The following JAKMIP1 variants were observed in gnomAD, a reference collection of about 807,000 sequenced individuals.
The protein encoded by JAKMIP1 is janus kinase and microtubule-interacting protein 1.
A neutral mutation model predicts 113.0 loss-of-function variants in JAKMIP1; 33 were observed. The ratio of observed to expected loss-of-function variants is 0.29; its 90% confidence interval spans 0.22 to 0.39. The LOEUF (loss-of-function observed/expected upper bound fraction) is 0.39. Ranked by LOEUF, JAKMIP1 falls within the 10% of genes least tolerant of loss-of-function variation. The probability of loss-of-function intolerance (pLI) is 1.00; values close to 1 mark genes in which losing one functional copy is unlikely to be tolerated. For missense variants in JAKMIP1, 813 were observed against 1,080.5 expected (o/e 0.75, Z 3.47); for synonymous variants, 480 against 459.9 (o/e 1.04, Z -0.56).
intron 11 of JAKMIP1, among the ~76,000 whole-genome samples, chr4:6,058,190 AC>A (rs1000762441): frequency 7.9e-4 from 120 of 152,196 alleles, no homozygotes; most frequent in African/African-American, 2.6e-3. Context: ...GAGAGGACCT[AC>A]CCCCCTGGGG....
chr4:6,188,483 CCCTA>C lies in JAKMIP1; in HGVS notation c.-148+11766_-148+11769del, dbSNP rs1426956645. On this transcript the variant is annotated intron_variant, in intron 1 of 20. Transcript: ENST00000409021. The surrounding 1 kb of genome is among the most constrained non-coding windows in gnomAD (Gnocchi z 5.8). Reference sequence around the variant, plus strand: ...CCACCCCAAAATGTTCAGCCCACATCCCTACCTAAGAGTGACTTAATACACCCCA... The same window carrying C: ...CCACCCCAAAATGTTCAGCCCACATCCCTAAGAGTGACTTAATACACCCCA... 6.6e-6 allele frequency among the ~76,000 whole-genome samples: 1 copy of C among 152,190 alleles called. No individual in the cohort carries two copies. Among genetic ancestry groups the C allele is most frequent in the Non-Finnish European group, 1.5e-5 (1 of 68,028 alleles).
At chr4:6,164,615 A>G (rs1723380883) in intron 1 of JAKMIP1, among the ~76,000 whole-genome samples, 1 of 152,176 alleles carries the variant, frequency 6.6e-6, no homozygotes, top group African/African-American at 2.4e-5. Context: ...GTACATTGAA[A>G]ACCTCCTGGA....
At chr4:6,037,596 T>A (rs1578051810) in intron 18 of JAKMIP1, among the ~76,000 whole-genome samples, 1 of 131,866 alleles carries the variant, frequency 7.6e-6, no homozygotes, top group Non-Finnish European at 1.6e-5. Context: ...TAGCCCTCCA[T>A]CACCGAGGCA....
chr4:6,189,982 G>C (rs1309286683), intron 1 of JAKMIP1, among the ~76,000 whole-genome samples: 1 of 152,210 alleles, frequency 6.6e-6, no homozygotes, highest in African/African-American at 2.4e-5. Context: ...AATCAGAGGA[G>C]AGAAGAAAGC....
chr4:6,050,392 T>C lies in JAKMIP1; in HGVS notation c.1908+186A>G, dbSNP rs939649355. 6.6e-6 allele frequency among the ~76,000 whole-genome samples: 1 copy of C among 152,248 alleles called. No homozygotes were observed. Among genetic ancestry groups the C allele is most frequent in the African/African-American group, 2.4e-5 (1 of 41,472 alleles). ...GCTATACACCAAGCCTCTGCTGTTT[T>C]AAACATATGGGTCAAAATAGAGTCA... is the stretch of plus-strand genomic sequence containing the variant. On this transcript the variant is annotated intron_variant, in intron 14 of 20. Coordinates refer to ENST00000409021, the MANE Select transcript of JAKMIP1 (RefSeq NM_001099433.2). This position sits in a 1 kb window ranked among gnomAD's most constrained non-coding sequence, Gnocchi z 7.4.
At chr4:6,035,084 A>G (rs774432517) in intron 19 of JAKMIP1, among the ~76,000 whole-genome samples, 25 of 152,120 alleles carry the variant, frequency 1.6e-4, no homozygotes, top group Non-Finnish European at 5.9e-5. Context: ...CAGTTGCGTG[A>G]GGCAGTTCCT....
chr4:6,065,855 C>T lies in JAKMIP1; in HGVS notation c.1303-847G>A, dbSNP rs187261404. 2.3e-4 allele frequency among the ~76,000 whole-genome samples: 35 copies of T among 152,266 alleles called. No homozygotes were observed. Among genetic ancestry groups the T allele is most frequent in the East Asian group, 7.7e-4 (4 of 5,172 alleles). The stretch of plus-strand genomic sequence containing the variant: ...CAAAGCTCCTTCTATGGGCCAGACA[C>T]GGGGCAGGCCTGGGGAATACAATAG... On this transcript the variant is annotated intron_variant, in intron 8 of 20. Coordinates refer to ENST00000409021, the MANE Select transcript of JAKMIP1 (RefSeq NM_001099433.2). The surrounding 1 kb of genome is among the most constrained non-coding windows in gnomAD (Gnocchi z 5.1).
In JAKMIP1 at chr4:6,088,476, C is replaced by T. The variant is rs1721606953; in HGVS notation, c.625-2847G>A. Reference sequence around the variant, plus strand: ...TCGCGAGCAAGACATCTCCAGGATCCCAAATTCTCCACCTGGAAGAGCACC... The same window carrying T: ...TCGCGAGCAAGACATCTCCAGGATCTCAAATTCTCCACCTGGAAGAGCACC... On this transcript the variant is annotated intron_variant, in intron 3 of 20. Coordinates refer to ENST00000409021, the MANE Select transcript of JAKMIP1 (RefSeq NM_001099433.2). The surrounding 1 kb of genome is among the most constrained non-coding windows in gnomAD (Gnocchi z 5.5). Among the ~76,000 whole-genome samples the T allele has an allele frequency of 6.6e-6, 1 of 152,198 alleles. No homozygotes were observed. Among genetic ancestry groups the T allele is most frequent in the Non-Finnish European group, 1.5e-5 (1 of 68,032 alleles).
rs1724512880 is a variant in JAKMIP1 at position 6,170,807 on chromosome 4, CTATCACCACCATCCCAGAACCACCA to C, written c.-148+29421_-148+29445del. Among the ~76,000 whole-genome samples, 7 of 83,054 alleles carry C rather than the reference CTATCACCACCATCCCAGAACCACCA, an allele frequency of 8.4e-5. No homozygotes were observed. The East Asian group carries it at 1.3e-3, about 15-fold the overall frequency. The allele number at this position is 83,054 out of a possible 152,430, so 54.5% of individuals were successfully genotyped here. A position where few individuals can be genotyped will look rare whatever the true frequency, so the allele number is the denominator to read the frequency against. On this transcript the variant is annotated intron_variant, in intron 1 of 20. Transcript: ENST00000409021. ...CACCACCACCACTACACTTCCATCA[CTATCACCACCATCCCAGAACCACCA>C]CACCACCACCACCATCCCCATCACC...
At chr4:6,175,147 CA>C (rs1362260186) in intron 1 of JAKMIP1, among the ~76,000 whole-genome samples, 2 of 152,090 alleles carry the variant, frequency 1.3e-5, no homozygotes, top group African/African-American at 2.4e-5. Flanking sequence ...TGACCAACAT[CA>C]GGGGGCAGCA....
intron 20 of JAKMIP1, among the ~76,000 whole-genome samples, chr4:6,029,483 A>G (rs1712305236): frequency 6.6e-6 from 1 of 152,194 alleles, no homozygotes. Flanking sequence ...AAAGACACAC[A>G]GAGTTGGCCC....
Position 6,064,161 on chromosome 4 carries a change from G to A in JAKMIP1, c.1431+719C>T, listed in dbSNP as rs959112826. ...AGCAAGGGGAAGGTCTGCGCTGAAT[G>A]AAGTCTGCTGTTTAGGAAATTAATC... On this transcript the variant is annotated intron_variant, in intron 9 of 20. Coordinates refer to ENST00000409021, the MANE Select transcript of JAKMIP1 (RefSeq NM_001099433.2). The surrounding 1 kb of genome is among the most constrained non-coding windows in gnomAD (Gnocchi z 4.3). Among the ~76,000 whole-genome samples the A allele has an allele frequency of 4.6e-5, 7 of 152,250 alleles. No individual in the cohort carries two copies. Among genetic ancestry groups the A allele is most frequent in the African/African-American group, 1.4e-4 (6 of 41,478 alleles).
rs1022201293 is a variant in JAKMIP1, at chr4:6,188,896, A to G, written c.-148+11357T>C. Among the ~76,000 whole-genome samples the G allele has an allele frequency of 1.3e-5, 2 of 152,174 alleles. No individual in the cohort carries two copies. The highest frequency in any genetic ancestry group is 4.8e-5 in the African/African-American group (2 of 41,438). Reference sequence around the variant, plus strand: ...CCCATCTGCCCAGTGGTTTAAATAGATTAGGCACAATGTGGGGGCATCCAG... The same window carrying G: ...CCCATCTGCCCAGTGGTTTAAATAGGTTAGGCACAATGTGGGGGCATCCAG... On this transcript the variant is annotated intron_variant, in intron 1 of 20. Transcript: ENST00000409021. The surrounding 1 kb of genome is among the most constrained non-coding windows in gnomAD (Gnocchi z 5.8).
Position 6,140,269 on chromosome 4 carries a change from G to C in JAKMIP1, c.-147-27272C>G, listed in dbSNP as rs534654887. 3.7e-5 allele frequency among the ~76,000 whole-genome samples: 5 copies of C among 134,560 alleles called. No individual in the cohort carries two copies. In the South Asian group the frequency reaches 1.2e-3, roughly 33 times the overall value. 88.3% of individuals were successfully genotyped at this position (134,560 alleles called of 152,430 possible). A position where few individuals can be genotyped will look rare whatever the true frequency, so the allele number is the denominator to read the frequency against. Reference sequence around the variant, plus strand: ...TTTCCTCTTTTTTTTTTTTTTTTCTGTGGGGAGGGACTTTCACCAACATTT... The same window carrying C: ...TTTCCTCTTTTTTTTTTTTTTTTCTCTGGGGAGGGACTTTCACCAACATTT... On this transcript the variant is annotated intron_variant, in intron 1 of 20. Coordinates refer to ENST00000409021, the MANE Select transcript of JAKMIP1 (RefSeq NM_001099433.2). This position sits in a 1 kb window ranked among gnomAD's most constrained non-coding sequence, Gnocchi z 9.4.
intron 1 of JAKMIP1, among the ~76,000 whole-genome samples, chr4:6,130,134 C>T (rs1718290572): frequency 3.3e-5 from 5 of 152,210 alleles, no homozygotes; most frequent in Non-Finnish European, 7.3e-5. Flanking sequence ...ACTTACCTGC[C>T]CCAGGCCACT....
chr4:6,031,300 C>T lies in JAKMIP1; in HGVS notation c.2380-1519G>A, dbSNP rs1420159247. 6.6e-6 allele frequency among the ~76,000 whole-genome samples: 1 copy of T among 151,996 alleles called. No individual in the cohort carries two copies. The highest frequency in any genetic ancestry group is 1.5e-5 in the Non-Finnish European group (1 of 68,002). On this transcript the variant is annotated intron_variant, in intron 19 of 20. Transcript: ENST00000409021. This position sits in a 1 kb window ranked among gnomAD's most constrained non-coding sequence, Gnocchi z 4.4. Reference sequence around the variant, plus strand: ...CAAAAATGAGCCGGGCTTGGTGGTGCGCTCCTGTAGGGAGGCTGAGACAGG... The same window carrying T: ...CAAAAATGAGCCGGGCTTGGTGGTGTGCTCCTGTAGGGAGGCTGAGACAGG...
chr4:6,077,408 G>A (rs1719831891), intron 8 of JAKMIP1, among the ~76,000 whole-genome samples: 1 of 152,036 alleles, frequency 6.6e-6, no homozygotes, highest in Non-Finnish European at 1.5e-5. Flanking sequence ...TTTAGAGGGA[G>A]GGAACGTGGC....
intron 8 of JAKMIP1, among the ~76,000 whole-genome samples, chr4:6,078,382 A>G (rs1248314608): frequency 2.0e-5 from 3 of 147,184 alleles, no homozygotes; most frequent in Admixed American, 6.9e-5. Context: ...ATAGGTTTAC[A>G]GGTTTAAAGG....
intron 1 of JAKMIP1, among the ~76,000 whole-genome samples, chr4:6,126,662 GC>G (rs1015360665): frequency 2.5e-4 from 31 of 126,418 alleles, no homozygotes; most frequent in Admixed American, 1.3e-3. Context: ...CACCACACAT[GC>G]CCCCCCCACA....
Sources: gnomAD v4.1 joint callset for allele counts (sites outside exome capture counted in the v4.1 genomes callset) on GRCh38, gnomAD v4.1.1 for gene constraint, Gnocchi (gnomAD v3.1) non-coding constraint, MANE v1.5 for transcripts, NCBI Gene and HGNC (gene_info 2026-07-23, HGNC 2026-07-21) for gene names.